Variants in ZNF772 observed in about 807,000 individuals in gnomAD.
ZNF772 encodes the protein zinc finger protein 772.
In ZNF772, 8 loss-of-function variants were observed where a neutral mutation model predicts 11.0. That is an observed-to-expected ratio of 0.73 (90% CI 0.43 to 1.31). ZNF772 has a LOEUF of 1.31. Among genes scored for constraint, ZNF772 ranks in the 50% most tolerant of loss-of-function variants. The pLI is 0.01. For synonymous variants in ZNF772, 155 were observed against 180.4 expected, an observed-to-expected ratio of 0.86 and a Z score of 1.13; for missense variants, 496 against 552.3, an observed-to-expected ratio of 0.90 and a Z score of 1.02.
rs764019502 is a variant in ZNF772 at position 57,473,323 on chromosome 19, CTCTGCCTGA to C, written c.1289_1297del (p.Phe430_Arg433delinsTrp). 6.2e-7 allele frequency: 1 copy of C among 1,613,826 alleles called. No homozygotes were observed. The highest frequency in any genetic ancestry group is 1.1e-5 in the South Asian group (1 of 91,052). On this transcript the variant is annotated inframe_deletion, in exon 4 of 4. Transcript: ENST00000356584. ...TTTCCAGTGGCGGATGAGGGAAGCC[CTCTGCCTGA>C]AGGCCTTCCCACATTCACTGCACTT...
rs2089223883 is a variant in ZNF772, at chr19:57,472,260, A to G, written c.*1014T>C. 1 of 442,990 alleles carries G rather than the reference A, an allele frequency of 2.3e-6. No homozygotes were observed. The highest frequency in any genetic ancestry group is 4.5e-6 in the Non-Finnish European group (1 of 221,696). 27.4% of individuals were successfully genotyped at this position (442,990 alleles called of 1,614,324 possible). On this transcript the variant is annotated 3_prime_UTR_variant, in exon 4 of 4. Coordinates refer to ENST00000356584, the MANE Select transcript of ZNF772 (RefSeq NM_001144068.2). The stretch of plus-strand genomic sequence containing the variant: ...CTGGGCCTTCTGGAGGACAGCCAAT[A>G]TCAACTGCCTACTGAAAAATAGACT...
At position 57,474,405 on chromosome 19, in the gene ZNF772, C is replaced by T. The variant is rs1398848269; in HGVS notation, c.216G>A (p.Met72Ile). The T allele has an allele frequency of 1.2e-6, 2 of 1,602,674 alleles. No homozygotes were observed. Among genetic ancestry groups the T allele is most frequent in the Non-Finnish European group, 1.7e-6 (2 of 1,176,666 alleles). Residue 72 changes from methionine to isoleucine, a missense_variant, in exon 4 of 4, where the codon ATG (methionine) becomes ATA (isoleucine). Coordinates refer to ENST00000356584, the MANE Select transcript of ZNF772 (RefSeq NM_001144068.2). Reference sequence around the variant, plus strand: ...GCTCAAAAGGTATCTCTTCATCCTCCATTCCATGCCAACAACCTGAAAGCA... The same window carrying T: ...GCTCAAAAGGTATCTCTTCATCCTCTATTCCATGCCAACAACCTGAAAGCA... ...LMASLGCWHGMEDEEIPFEQS... is the reference protein window; with the variant it reads ...LMASLGCWHGIEDEEIPFEQS...
intron 3 of ZNF772, 150 bp from the exon 4 acceptor site, chr19:57,474,571 C>T: frequency 5.3e-6 from 4 of 753,784 alleles, no homozygotes; most frequent in Non-Finnish European, 8.4e-6. Flanking sequence ...CAAATGTGTA[C>T]TATACGGTAG....
In ZNF772 at chr19:57,473,635, C is replaced by A; in HGVS notation, c.986G>T (p.Ser329Ile). 1 of 1,614,054 alleles carries A rather than the reference C, an allele frequency of 6.2e-7. No homozygotes were observed. Among genetic ancestry groups the A allele is most frequent in the Non-Finnish European group, 8.5e-7 (1 of 1,179,974 alleles). ...SHKSTLVQHE[S>I]IHTGERPYEC... ...ATATGGCCTTTCTCCAGTATGGATA[C>A]TCTCATGCTGAACAAGTGTAGATTT... is the stretch of plus-strand genomic sequence containing the variant. Residue 329 changes from serine (S) to isoleucine (I), a missense_variant, in exon 4 of 4, where the codon AGT becomes ATT. Physicochemically the swap from Ser to Ile is moderately radical, Grantham distance 142. Coordinates refer to ENST00000356584, the MANE Select transcript of ZNF772 (RefSeq NM_001144068.2).
In ZNF772 at chr19:57,473,560, TTAA is replaced by T. The variant is rs751690431; in HGVS notation, c.1058_1060del (p.Ile353del). 1.7e-4 allele frequency: 276 copies of T among 1,612,780 alleles called. No homozygotes were observed. In the African/African-American group the frequency reaches 2.9e-3, roughly 17 times the overall value. On this transcript the variant is annotated inframe_deletion, in exon 4 of 4. Coordinates refer to ENST00000356584, the MANE Select transcript of ZNF772 (RefSeq NM_001144068.2). ...TGCTCCAGTATGAACACTCCAATGT[TTAA>T]TGAGTCTGTATTTGTGACCAAAGTA...
In ZNF772 at chr19:57,475,696, C is replaced by T; in HGVS notation, c.163G>A (p.Val55Met). 3 of 1,614,064 alleles carry T rather than the reference C, an allele frequency of 1.9e-6. No individual in the cohort carries two copies. The South Asian group carries it at 3.3e-5, about 18-fold the overall frequency. Residue 55 changes from valine (V) to methionine (M), a missense_variant, in exon 3 of 4, where the codon GTG (valine) becomes ATG (methionine). Transcript: ENST00000356584. This position sits in a 1 kb window ranked among gnomAD's most constrained non-coding sequence, Gnocchi z 4.2. ...ATAAGTGCAAAGTTCTCCAGCATCA[C>T]ATCACGGTACAGGAGCCTCTGAGCC... ...DEAQRLLYRD[V>M]MLENFALMAS...
At position 57,474,275 on chromosome 19, in the gene ZNF772, A is replaced by G; in HGVS notation, c.346T>C (p.Leu116=). 6.2e-7 allele frequency: 1 copy of G among 1,614,186 alleles called. No individual in the cohort carries two copies. Among genetic ancestry groups the G allele is most frequent in the African/African-American group, 1.3e-5 (1 of 75,028 alleles). ...GTTTCCTGGTGCTCAGCCAAGTGCA[A>G]AATGTCTTTTAAGACCAGGCCACAT... ...GTCGLVLKDI[L]HLAEHQETHP... The change falls in exon 4 of 4, where the codon TTG becomes CTG. Residue 116 remains leucine (L), a synonymous_variant. Coordinates refer to ENST00000356584, the MANE Select transcript of ZNF772 (RefSeq NM_001144068.2).
Position 57,475,170 on chromosome 19 carries a change from T to C in ZNF772, c.199+490A>G. ...TCCTAAGGGAAAGATAGAACAGCAC[T>C]GGTCTGGGTAACCCATATAGAAAAC... On this transcript the variant is annotated intron_variant, in intron 3 of 3. Transcript: ENST00000356584. This position sits in a 1 kb window ranked among gnomAD's most constrained non-coding sequence, Gnocchi z 4.2. 1 of 1,613,652 alleles carries C rather than the reference T, an allele frequency of 6.2e-7. No homozygotes were observed. Among genetic ancestry groups the C allele is most frequent in the Non-Finnish European group, 8.5e-7 (1 of 1,179,734 alleles).
chr19:57,476,690 A>G lies in ZNF772; in HGVS notation c.34-18T>C. ...ATGGGAACCTGTGGGGAAGAGGGAG[A>G]CTATGCGAGTCAAGCAATCTTGAAG... On this transcript the variant is annotated intron_variant, in intron 1 of 3. Coordinates refer to ENST00000356584, the MANE Select transcript of ZNF772 (RefSeq NM_001144068.2). 3 of 1,577,962 alleles carry G rather than the reference A, an allele frequency of 1.9e-6. No individual in the cohort carries two copies. The highest frequency in any genetic ancestry group is 2.6e-6 in the Non-Finnish European group (3 of 1,160,398).
rs375447706 is a variant in ZNF772, at chr19:57,473,428, C to T, written c.1193G>A (p.Cys398Tyr). ...NGEKPYVCSECGKAFSHKHVL... is the reference protein window; with the variant it reads ...NGEKPYVCSEYGKAFSHKHVL... ...ATGTTTGTGGCTAAAGGCTTTTCCA[C>T]ATTCACTGCACACATAAGGCTTTTC... Residue 398 changes from cysteine (C) to tyrosine (Y), a missense_variant, in exon 4 of 4, where the codon TGT (cysteine) becomes TAT (tyrosine). Transcript: ENST00000356584. 6.2e-7 allele frequency: 1 copy of T among 1,614,002 alleles called. No homozygotes were observed. Among genetic ancestry groups the T allele is most frequent in the Non-Finnish European group, 8.5e-7 (1 of 1,180,042 alleles).
In ZNF772 at chr19:57,470,038, GA is replaced by G. The variant is rs1256545103; in HGVS notation, c.*3235del. On this transcript the variant is annotated 3_prime_UTR_variant, in exon 4 of 4. Coordinates refer to ENST00000356584, the MANE Select transcript of ZNF772 (RefSeq NM_001144068.2). ...TTTAAAAAGAGCCATGTGTCAAGAA[GA>G]ATTTTTTTAACTGGAAAACATCCTA... is the stretch of plus-strand genomic sequence containing the variant. 6.6e-6 allele frequency: 1 copy of G among 152,152 alleles called. No homozygotes were observed. Among genetic ancestry groups the G allele is most frequent in the Non-Finnish European group, 1.5e-5 (1 of 68,032 alleles). The allele number at this position is 152,152 out of a possible 1,614,324, so 9.4% of individuals were successfully genotyped here.
At position 57,472,310 on chromosome 19, in the gene ZNF772, A is replaced by C. The variant is rs984767773; in HGVS notation, c.*964T>G. 2 of 378,678 alleles carry C rather than the reference A, an allele frequency of 5.3e-6. No homozygotes were observed. The highest frequency in any genetic ancestry group is 4.3e-5 in the African/African-American group (2 of 47,026). 23.5% of individuals were successfully genotyped at this position (378,678 alleles called of 1,614,324 possible). On this transcript the variant is annotated 3_prime_UTR_variant, in exon 4 of 4. Transcript: ENST00000356584. ...TTCAGAGATCTTGACATGTCCACTG[A>C]GTTCAAATTCTCCTCAAGAAGCCTT...
chr19:57,475,580 A>G lies in ZNF772; in HGVS notation c.199+80T>C. On this transcript the variant is annotated intron_variant, in intron 3 of 3. Coordinates refer to ENST00000356584, the MANE Select transcript of ZNF772 (RefSeq NM_001144068.2). The surrounding 1 kb of genome is among the most constrained non-coding windows in gnomAD (Gnocchi z 4.2). ...GAGACAGTGTCCACGGCTCTGATGT[A>G]GGAAGGACAAAGATGCCCTGAAAAA... is the stretch of plus-strand genomic sequence containing the variant. The G allele has an allele frequency of 6.3e-7, 1 of 1,599,060 alleles. No homozygotes were observed.
intron 1 of ZNF772, 42 bp from the exon 2 acceptor site, chr19:57,476,714 A>T (rs2089288820): frequency 1.3e-6 from 2 of 1,535,336 alleles, no homozygotes; most frequent in Non-Finnish European, 8.8e-7. Context: ...GCAATCTTGA[A>T]GGAACCCCAA....
Position 57,475,133 on chromosome 19 carries a change from G to A in ZNF772, c.199+527C>T, listed in dbSNP as rs773461677. The A allele has an allele frequency of 1.2e-6, 2 of 1,614,098 alleles. No individual in the cohort carries two copies. Among genetic ancestry groups the A allele is most frequent in the African/African-American group, 1.3e-5 (1 of 74,932 alleles). On this transcript the variant is annotated intron_variant, in intron 3 of 3. Coordinates refer to ENST00000356584, the MANE Select transcript of ZNF772 (RefSeq NM_001144068.2). This position sits in a 1 kb window ranked among gnomAD's most constrained non-coding sequence, Gnocchi z 4.2. ...CCAGTGAGGCAACTATGTGGGACAT[G>A]AAAGATGTATGTCCTAAGGGAAAGA...
At position 57,473,371 on chromosome 19, in the gene ZNF772, C is replaced by A; in HGVS notation, c.1250G>T (p.Gly417Val). ...TTCACTGCACTTATATGGCCTTTCT[C>A]CAGTGTGAATTCTATGATGCTGAAC... ...VLVQHHRIHT[G>V]ERPYKCSECG... The change falls in exon 4 of 4, where the codon GGA becomes GTA. Residue 417 changes from glycine (G) to valine (V), a missense_variant. Physicochemically the swap from Gly to Val is moderately radical, Grantham distance 109 (BLOSUM62 -3). Coordinates refer to ENST00000356584, the MANE Select transcript of ZNF772 (RefSeq NM_001144068.2). 2 of 1,614,210 alleles carry A rather than the reference C, an allele frequency of 1.2e-6. No homozygotes were observed. Among genetic ancestry groups the A allele is most frequent in the Non-Finnish European group, 1.7e-6 (2 of 1,180,038 alleles).
chr19:57,473,244 T>G lies in ZNF772; in HGVS notation c.*30A>C, dbSNP rs779770683. 31 of 1,587,714 alleles carry G rather than the reference T, an allele frequency of 2.0e-5. No individual in the cohort carries two copies. In the East Asian group the frequency reaches 6.5e-4, roughly 33 times the overall value. ...CTTCTCTCTGATGTCAGTTATTATG[T>G]TGAACAAGGAAACGGAATTATCTCC... On this transcript the variant is annotated 3_prime_UTR_variant, in exon 4 of 4. Coordinates refer to ENST00000356584, the MANE Select transcript of ZNF772 (RefSeq NM_001144068.2).
At position 57,475,044 on chromosome 19, in the gene ZNF772, G is replaced by A. The variant is rs756029945; in HGVS notation, c.199+616C>T. 2.5e-6 allele frequency: 4 copies of A among 1,614,208 alleles called. No homozygotes were observed. The highest frequency in any genetic ancestry group is 2.2e-5 in the South Asian group (2 of 91,084). On this transcript the variant is annotated intron_variant, in intron 3 of 3. Coordinates refer to ENST00000356584, the MANE Select transcript of ZNF772 (RefSeq NM_001144068.2). This position sits in a 1 kb window ranked among gnomAD's most constrained non-coding sequence, Gnocchi z 4.2. ...CTCACCAGGGTCACTCCCACCTGGA[G>A]TCTCTGTGGCAACAGCTAGGGTCAT... is the stretch of plus-strand genomic sequence containing the variant.
In ZNF772 at chr19:57,475,513, C is replaced by T. The variant is rs1838851453; in HGVS notation, c.199+147G>A. On this transcript the variant is annotated intron_variant, in intron 3 of 3. Transcript: ENST00000356584. This position sits in a 1 kb window ranked among gnomAD's most constrained non-coding sequence, Gnocchi z 4.2. ...GGAGAAAGTAGGAGTGCAAACAGCC[C>T]AAGCCCAGCACTCACAGAACCTACT... 6.1e-6 allele frequency: 8 copies of T among 1,311,548 alleles called. No homozygotes were observed. In the South Asian group the frequency reaches 9.5e-5, roughly 16 times the overall value. The allele number at this position is 1,311,548 out of a possible 1,614,324, so 81.2% of individuals were successfully genotyped here.
Sources: gnomAD v4.1 joint callset for allele counts on GRCh38, gnomAD v4.1.1 for gene constraint, Gnocchi (gnomAD v3.1) non-coding constraint, MANE v1.5 for transcripts, NCBI Gene and HGNC (gene_info 2026-07-23, HGNC 2026-07-21) for gene names.